PDGFD: variants seen among roughly 807,000 people sequenced by gnomAD.
PDGFD encodes platelet-derived growth factor D.
Under a neutral mutation model 44.7 loss-of-function variants are expected in PDGFD, and 30 were observed. That is an observed-to-expected ratio of 0.67 (90% CI 0.50 to 0.91). The LOEUF (loss-of-function observed/expected upper bound fraction) is 0.91, where lower values mean the gene tolerates loss of function less well. Among genes scored for constraint, PDGFD ranks in the 40% least tolerant of loss-of-function variants. The pLI is 0.00. For missense variants in PDGFD, 445 were observed against 457.8 expected (o/e 0.97, Z 0.25); for synonymous variants, 173 against 168.4 (o/e 1.03, Z -0.21).
intron 1 of PDGFD, among the ~76,000 whole-genome samples, chr11:104,080,113 G>A (rs931059262): frequency 6.6e-6 from 1 of 152,136 alleles, no homozygotes; most frequent in African/African-American, 2.4e-5. Flanking sequence ...GATTGGTACA[G>A]TGTGTCCTCT....
At chr11:104,068,045 G>A (rs927337212) in intron 1 of PDGFD, among the ~76,000 whole-genome samples, 3 of 152,160 alleles carry the variant, frequency 2.0e-5, no homozygotes, top group Admixed American at 1.3e-4. Flanking sequence ...ACACATTAAA[G>A]AGTACGTTTC....
At chr11:103,961,132 C>T (rs1377934303) in intron 3 of PDGFD, among the ~76,000 whole-genome samples, 2 of 152,126 alleles carry the variant, frequency 1.3e-5, no homozygotes, top group Non-Finnish European at 2.9e-5. Flanking sequence ...TTTCTCATTG[C>T]TCTCCCACCA....
intron 1 of PDGFD, among the ~76,000 whole-genome samples, chr11:104,021,868 C>G (rs894098738): frequency 5.9e-5 from 9 of 152,090 alleles, no homozygotes; most frequent in African/African-American, 2.2e-4. Flanking sequence ...ATACTAACAC[C>G]TTGGGTACAG....
intron 1 of PDGFD, among the ~76,000 whole-genome samples, chr11:104,020,806 TA>T (rs2134381984): frequency 6.6e-6 from 1 of 152,282 alleles, no homozygotes; most frequent in Non-Finnish European, 1.5e-5. Context: ...ATAATGCTAA[TA>T]TAAAAGTATC....
chr11:104,021,343 T>C (rs1290218327), intron 1 of PDGFD, among the ~76,000 whole-genome samples: 3 of 152,214 alleles, frequency 2.0e-5, no homozygotes, highest in Non-Finnish European at 4.4e-5. Context: ...GAGTTCTTCA[T>C]CTTTCTATAG....
chr11:104,125,180 G>GA (rs1861824481), intron 1 of PDGFD, among the ~76,000 whole-genome samples: 1 of 152,124 alleles, frequency 6.6e-6, no homozygotes, highest in Non-Finnish European at 1.5e-5. Flanking sequence ...CTGATGGTTA[G>GA]AAAATGTGTC....
At chr11:104,154,321 T>C (rs1351983459) in intron 1 of PDGFD, among the ~76,000 whole-genome samples, 1 of 152,202 alleles carries the variant, frequency 6.6e-6, no homozygotes, top group Non-Finnish European at 1.5e-5. Flanking sequence ...CTAAAACGTG[T>C]CCTGCGTTAG....
At chr11:103,956,718 C>A (rs1361009418) in intron 3 of PDGFD, among the ~76,000 whole-genome samples, 1 of 152,054 alleles carries the variant, frequency 6.6e-6, no homozygotes, top group Non-Finnish European at 1.5e-5. Context: ...TCCTCTCCAG[C>A]ACCTGTTGTT....
intron 1 of PDGFD, among the ~76,000 whole-genome samples, chr11:104,063,229 T>C (rs1468457187): frequency 6.6e-6 from 1 of 151,592 alleles, no homozygotes; most frequent in East Asian, 1.9e-4. Flanking sequence ...AATATCATCA[T>C]CAACATTAAG....
chr11:104,117,083 A>C (rs751669365), intron 1 of PDGFD, among the ~76,000 whole-genome samples: 27 of 152,044 alleles, frequency 1.8e-4, no homozygotes, highest in Non-Finnish European at 3.4e-4. Flanking sequence ...TAACATATGC[A>C]AGTCAATCAA....
intron 5 of PDGFD, among the ~76,000 whole-genome samples, chr11:103,929,900 G>A (rs773449263): frequency 6.6e-6 from 1 of 152,114 alleles, no homozygotes; most frequent in Non-Finnish European, 1.5e-5. Context: ...ACTTCTGGGA[G>A]GGAGACAGGC....
intron 1 of PDGFD, chr11:104,039,215 AC>A (rs1266479217): frequency 2.4e-5 from 4 of 166,710 alleles, no homozygotes; most frequent in African/African-American, 9.6e-5. Context: ...TGTTTTGATT[AC>A]ACTTAATTAC....
At chr11:104,036,812 G>A (rs775721991) in intron 1 of PDGFD, 11 of 1,607,516 alleles carry the variant, frequency 6.8e-6, no homozygotes, top group South Asian at 3.3e-5. Context: ...CGGCCCGCCC[G>A]GGCCCCCGCC....
chr11:104,118,860 A>G (rs1216870883), intron 1 of PDGFD, among the ~76,000 whole-genome samples: 1 of 33,230 alleles, frequency 3.0e-5, no homozygotes, highest in Non-Finnish European at 5.6e-5. Context: ...ATATTATAAT[A>G]TATTATATAT....
At chr11:104,042,399 G>A (rs1860369741) in intron 1 of PDGFD, among the ~76,000 whole-genome samples, 1 of 152,188 alleles carries the variant, frequency 6.6e-6, no homozygotes, top group African/African-American at 2.4e-5. Flanking sequence ...GTCTTGCTGT[G>A]CTTTCTGTGC....
intron 1 of PDGFD, among the ~76,000 whole-genome samples, chr11:104,054,861 G>A (rs1169321403): frequency 6.6e-6 from 1 of 152,176 alleles, no homozygotes; most frequent in African/African-American, 2.4e-5. Flanking sequence ...GCCTCGGAGA[G>A]GAGGAGATAC....
chr11:104,144,171 A>G (rs932016085), intron 1 of PDGFD, among the ~76,000 whole-genome samples: 7 of 152,214 alleles, frequency 4.6e-5, no homozygotes, highest in Non-Finnish European at 8.8e-5. Context: ...CAACAACAAG[A>G]AAAGGAAAAA....
chr11:103,937,014 C>T (rs946293589), intron 5 of PDGFD, among the ~76,000 whole-genome samples: 1 of 151,814 alleles, frequency 6.6e-6, no homozygotes, highest in Non-Finnish European at 1.5e-5. Flanking sequence ...TTTGTAGAGA[C>T]AGGTTCTCAC....
chr11:104,050,843 G>A (rs1353645920), intron 1 of PDGFD, among the ~76,000 whole-genome samples: 1 of 152,114 alleles, frequency 6.6e-6, no homozygotes, highest in Non-Finnish European at 1.5e-5. Context: ...TCAACTCCAA[G>A]ACTGATTGTA....
Sources: allele counts gnomAD v4.1 joint callset (sites outside exome capture counted in the v4.1 genomes callset), GRCh38; gene constraint gnomAD v4.1.1; transcripts MANE v1.5; gene names NCBI Gene and HGNC (gene_info 2026-07-23, HGNC 2026-07-21).